Variants in GPM6A observed in about 807,000 individuals in gnomAD.
GPM6A encodes neuronal membrane glycoprotein M6-a.
A neutral mutation model predicts 32.1 loss-of-function variants in GPM6A; 7 were observed. That is an observed-to-expected ratio of 0.22 (90% CI 0.12 to 0.41). The LOEUF is 0.41. Among genes scored for constraint, GPM6A ranks in the 10% least tolerant of loss-of-function variants. The pLI is 1.00. For missense variants in GPM6A, 235 were observed against 347.2 expected, an observed-to-expected ratio of 0.68 and a Z score of 2.57; for synonymous variants, 130 against 123.4, an observed-to-expected ratio of 1.05 and a Z score of -0.35.
chr4:175,788,224 G>C (rs1004852198), intron 1 of GPM6A: 2 of 152,032 alleles, frequency 1.3e-5, no homozygotes, highest in Non-Finnish European at 2.9e-5. Flanking sequence ...CCAAACAACA[G>C]AAAGGAAAAG....
intron 3 of GPM6A, among the ~76,000 whole-genome samples, chr4:175,653,275 A>G (rs1483679174): frequency 1.3e-5 from 2 of 152,186 alleles, no homozygotes; most frequent in Non-Finnish European, 2.9e-5. Flanking sequence ...ACAAATATAA[A>G]GAGAGGCAGG....
intron 1 of GPM6A, among the ~76,000 whole-genome samples, chr4:175,838,395 A>G (rs1268307405): frequency 1.3e-5 from 2 of 149,652 alleles, no homozygotes; most frequent in Non-Finnish European, 3.0e-5. Context: ...TGAAGCTTGG[A>G]TGATAGGGTG....
chr4:175,970,978 G>A (rs899666230), intron 1 of GPM6A: 7 of 442,694 alleles, frequency 1.6e-5, no homozygotes, highest in Non-Finnish European at 4.5e-6. Context: ...GAGCAGCGCA[G>A]AGCGCTCCTG....
chr4:175,929,089 C>A (rs1181918241), intron 1 of GPM6A, among the ~76,000 whole-genome samples: 7 of 152,092 alleles, frequency 4.6e-5, no homozygotes, highest in Non-Finnish European at 1.0e-4. Context: ...CATTATCTTT[C>A]AATAGATTCA....
chr4:175,729,767 CTATTA>C (rs1364218022), intron 1 of GPM6A, among the ~76,000 whole-genome samples: 4 of 139,534 alleles, frequency 2.9e-5, no homozygotes, highest in Admixed American at 7.4e-5. Flanking sequence ...TATATATTAT[CTATTA>C]TATTATTTAT....
At chr4:175,862,515 T>G (rs1051707071) in intron 1 of GPM6A, among the ~76,000 whole-genome samples, 8 of 152,214 alleles carry the variant, frequency 5.3e-5, no homozygotes, top group African/African-American at 1.9e-4. Context: ...TTTAGAACAA[T>G]TTATTAATCC....
intron 1 of GPM6A, chr4:175,787,329 A>G (rs1285784067): frequency 6.6e-7 from 1 of 1,520,366 alleles, no homozygotes; most frequent in African/African-American, 1.4e-5. Context: ...GTCACCCTTG[A>G]CCTTACCTTC....
intron 1 of GPM6A, among the ~76,000 whole-genome samples, chr4:175,912,263 T>C (rs1738344823): frequency 6.6e-6 from 1 of 152,226 alleles, no homozygotes; most frequent in African/African-American, 2.4e-5. Context: ...TGTTTAAATA[T>C]TTGTATTCAA....
At chr4:175,962,124 G>A in intron 1 of GPM6A, 1 of 773,514 alleles carries the variant, frequency 1.3e-6, no homozygotes, top group Admixed American at 1.7e-5. Context: ...GCACCATCCG[G>A]ACCCAGTGAC....
At chr4:175,826,124 C>G (rs914525605) in intron 1 of GPM6A, among the ~76,000 whole-genome samples, 2 of 151,886 alleles carry the variant, frequency 1.3e-5, no homozygotes, top group African/African-American at 4.8e-5. Flanking sequence ...CATGTCAATG[C>G]ATTCCAGCCT....
At chr4:175,936,306 C>CAAAAAAAAAAAAAAAAAAA (rs35653197) in intron 1 of GPM6A, among the ~76,000 whole-genome samples, 1 of 45,576 alleles carries the variant, frequency 2.2e-5, no homozygotes, top group African/African-American at 8.9e-5. Flanking sequence ...ACTCTGTCTC[C>CAAAAAAAAAAAAAAAAAAA]AAAAAAAAAA....
At chr4:175,960,542 T>TA (rs1339386084) in intron 1 of GPM6A, among the ~76,000 whole-genome samples, 1 of 152,172 alleles carries the variant, frequency 6.6e-6, no homozygotes, top group African/African-American at 2.4e-5. Context: ...ATCACGTAGG[T>TA]ATTAAGCGCC....
At chr4:175,992,010 AAATC>A (rs1460935950) in intron 1 of GPM6A, among the ~76,000 whole-genome samples, 1 of 151,860 alleles carries the variant, frequency 6.6e-6, no homozygotes, top group Non-Finnish European at 1.5e-5. Context: ...AAAACGAAAC[AAATC>A]AATCAAAATG....
At chr4:175,941,780 G>T (rs1317687485) in intron 1 of GPM6A, among the ~76,000 whole-genome samples, 2 of 152,130 alleles carry the variant, frequency 1.3e-5, no homozygotes, top group East Asian at 3.9e-4. Context: ...TATCCAGTCT[G>T]TCACTGATGG....
At chr4:175,887,607 G>A in intron 1 of GPM6A, among the ~76,000 whole-genome samples, 1 of 151,760 alleles carries the variant, frequency 6.6e-6, no homozygotes, top group Admixed American at 6.6e-5. Flanking sequence ...TTCAAACCTA[G>A]TGTTCTAGAT....
Position 175,701,697 on chromosome 4 carries a change from G to C in GPM6A, c.108C>G (p.Leu36=), listed in dbSNP as rs1442868211. ...CACAGAACAGGGCAACACCCGCATA[G>C]AGCAGGATGGTGGCAATCAGAGAGG... The part of the protein sequence containing the change: ...PYASLIATIL[L]YAGVALFCGC... The change falls in exon 2 of 7, where the codon CTC becomes CTG. Residue 36 remains leucine, a synonymous_variant. Coordinates refer to ENST00000393658, the MANE Select transcript of GPM6A (RefSeq NM_201591.3). 6 of 1,613,878 alleles carry C rather than the reference G, an allele frequency of 3.7e-6. No individual in the cohort carries two copies. Among genetic ancestry groups the C allele is most frequent in the South Asian group, 3.3e-5 (3 of 91,084 alleles).
intron 1 of GPM6A, among the ~76,000 whole-genome samples, chr4:175,751,021 A>G (rs1209867280): frequency 2.0e-5 from 3 of 152,218 alleles, no homozygotes; most frequent in Non-Finnish European, 4.4e-5. Flanking sequence ...AACATCATAG[A>G]TTAAATTGTA....
chr4:175,814,018 T>C (rs1041068676), upstream of GPM6A, among the ~76,000 whole-genome samples: 3 of 152,174 alleles, frequency 2.0e-5, no homozygotes, highest in African/African-American at 7.2e-5. Context: ...AAAAGCCAAA[T>C]TGTAGCAGCC....
intron 1 of GPM6A, chr4:175,970,996 C>A (rs1478176477): frequency 2.4e-6 from 1 of 416,696 alleles, no homozygotes; most frequent in Non-Finnish European, 4.7e-6. Flanking sequence ...CTGGGGAATT[C>A]AGTGAAAGTT....
Sources: gnomAD v4.1 joint callset for allele counts (sites outside exome capture counted in the v4.1 genomes callset) on GRCh38, gnomAD v4.1.1 for gene constraint, MANE v1.5 for transcripts, NCBI Gene and HGNC (gene_info 2026-07-23, HGNC 2026-07-21) for gene names.